ANKRD31: variants seen among roughly 807,000 people sequenced by gnomAD.
The protein encoded by ANKRD31 is ankyrin repeat domain-containing protein 31.
In ANKRD31, 147 loss-of-function variants were observed where a neutral mutation model predicts 186.0. The ratio of observed to expected loss-of-function variants is 0.79; its 90% CI spans 0.69 to 0.91. The LOEUF is 0.91. ANKRD31 is among the 40% of genes least tolerant of loss of function. The pLI, the probability that ANKRD31 is intolerant of heterozygous loss-of-function variation, is 0.00. For missense variants in ANKRD31, 1,986 were observed against 2,148.8 expected, an observed-to-expected ratio of 0.92 and a Z score of 1.50; for synonymous variants, 673 against 736.4, an observed-to-expected ratio of 0.91 and a Z score of 1.39.
At chr5:75,158,440 G>C (rs1341727926) in intron 11 of ANKRD31, among the ~76,000 whole-genome samples, 3 of 152,144 alleles carry the variant, frequency 2.0e-5, no homozygotes, top group Non-Finnish European at 2.9e-5. Flanking sequence ...GGGCATGTGG[G>C]TTGGGGGACT....
At chr5:75,102,961 C>A (rs1473268013) in intron 22 of ANKRD31, among the ~76,000 whole-genome samples, 1 of 152,136 alleles carries the variant, frequency 6.6e-6, no homozygotes, top group Non-Finnish European at 1.5e-5. Context: ...GTGAGATGAA[C>A]CCTGTACCTC....
At chr5:75,117,954 T>C (rs1341754682) in intron 18 of ANKRD31, among the ~76,000 whole-genome samples, 181 bp downstream of exon 18, 2 of 152,094 alleles carry the variant, frequency 1.3e-5, no homozygotes, top group African/African-American at 2.4e-5. Context: ...GATCATATGA[T>C]CTATAAATTA....
At chr5:75,164,762 C>T (rs1242825291) in intron 11 of ANKRD31, among the ~76,000 whole-genome samples, 1 of 152,184 alleles carries the variant, frequency 6.6e-6, no homozygotes, top group Admixed American at 6.5e-5. Context: ...TAGCAACCTC[C>T]TTATAAAACT....
At chr5:75,069,396 G>C (rs192270425) in intron 25 of ANKRD31, among the ~76,000 whole-genome samples, 19 of 151,984 alleles carry the variant, frequency 1.3e-4, no homozygotes, top group African/African-American at 4.3e-4. Flanking sequence ...CTTTCTTCAT[G>C]CTTGGCCCAC....
At chr5:75,143,253 T>G (rs1751180742) in intron 15 of ANKRD31, among the ~76,000 whole-genome samples, 1 of 152,138 alleles carries the variant, frequency 6.6e-6, no homozygotes, top group Non-Finnish European at 1.5e-5. Context: ...TCTCCTTATC[T>G]TAGGGTTCTT....
Position 75,104,211 on chromosome 5 carries a change from A to G in ANKRD31, c.5331+17T>C. Reference sequence around the variant, plus strand: ...TTATAAAATTTGCATGATTTTAGAGAAAAAAATATAGAATACCTGTGTTTT... The same window carrying G: ...TTATAAAATTTGCATGATTTTAGAGGAAAAAATATAGAATACCTGTGTTTT... On this transcript the variant is annotated intron_variant, in intron 22 of 25. Transcript: ENST00000506364. 1 of 1,458,562 alleles carries G rather than the reference A, an allele frequency of 6.9e-7. No individual in the cohort carries two copies. Among genetic ancestry groups the G allele is most frequent in the East Asian group, 2.5e-5 (1 of 40,324 alleles). 90.4% of individuals were successfully genotyped at this position (1,458,562 alleles called of 1,614,324 possible).
chr5:75,199,760 C>G, intron 5 of ANKRD31, 86 bp from the exon 6 acceptor site: 2 of 924,484 alleles, frequency 2.2e-6, no homozygotes, highest in South Asian at 3.6e-5. Context: ...AATCATATAA[C>G]TTAAACTCCC....
chr5:75,191,827 C>T (rs1755136950), intron 9 of ANKRD31, among the ~76,000 whole-genome samples: 2 of 151,970 alleles, frequency 1.3e-5, no homozygotes, highest in Admixed American at 1.3e-4. Flanking sequence ...GTCTTTTACA[C>T]TTTCTAACAA....
Position 75,188,658 on chromosome 5 carries a change from G to A in ANKRD31, c.1409-10C>T. 2 of 1,517,770 alleles carry A rather than the reference G, an allele frequency of 1.3e-6. No homozygotes were observed. The highest frequency in any genetic ancestry group is 2.5e-5 in the East Asian group (1 of 40,652). 94.0% of individuals were successfully genotyped at this position (1,517,770 alleles called of 1,614,324 possible). A position where few individuals can be genotyped will look rare whatever the true frequency, so the allele number is the denominator to read the frequency against. On this transcript the variant is annotated splice_polypyrimidine_tract_variant and intron_variant, in intron 9 of 25. Transcript: ENST00000506364. The stretch of plus-strand genomic sequence containing the variant: ...TTCACCTTCATTTTTTCTGAAATGA[G>A]GGAATGAACAAAAGAAAAAAATCAT...
intron 20 of ANKRD31, among the ~76,000 whole-genome samples, chr5:75,110,150 C>A (rs1386768484): frequency 6.6e-6 from 1 of 151,972 alleles, no homozygotes; most frequent in Non-Finnish European, 1.5e-5. Context: ...CTACAAAAAC[C>A]TGGGGGTGGT....
intron 15 of ANKRD31, among the ~76,000 whole-genome samples, chr5:75,140,368 G>T (rs899716876): frequency 6.6e-6 from 1 of 150,832 alleles, no homozygotes; most frequent in African/African-American, 2.4e-5. Flanking sequence ...AGAAGCTTCA[G>T]ACTGAGATGC....
chr5:75,176,090 C>G, intron 10 of ANKRD31, among the ~76,000 whole-genome samples: 1 of 152,306 alleles, frequency 6.6e-6, no homozygotes, highest in South Asian at 2.1e-4. Context: ...GATTATATCC[C>G]GCACATGGCT....
At chr5:75,089,735 G>A (rs1450338376) in intron 23 of ANKRD31, among the ~76,000 whole-genome samples, 1 of 152,166 alleles carries the variant, frequency 6.6e-6, no homozygotes, top group Non-Finnish European at 1.5e-5. Context: ...TAGATAATCT[G>A]TAGGAATATT....
intron 3 of ANKRD31, among the ~76,000 whole-genome samples, chr5:75,214,604 A>G (rs1330236122): frequency 6.6e-6 from 1 of 152,200 alleles, no homozygotes; most frequent in African/African-American, 2.4e-5. Flanking sequence ...TTCTTCCATT[A>G]CACACACATC....
At chr5:75,193,164 A>C (rs1317726334) in intron 8 of ANKRD31, 147 bp downstream of exon 8, 2 of 1,041,278 alleles carry the variant, frequency 1.9e-6, no homozygotes, top group Non-Finnish European at 2.7e-6. Flanking sequence ...GCACTGATCA[A>C]AAACTGCAAA....
At chr5:75,174,662 A>AAT (rs1180595769) in intron 10 of ANKRD31, among the ~76,000 whole-genome samples, 1 of 152,248 alleles carries the variant, frequency 6.6e-6, no homozygotes, top group South Asian at 2.1e-4. Context: ...GAGAAATGCA[A>AAT]ATCAAAACCA....
intron 12 of ANKRD31, among the ~76,000 whole-genome samples, chr5:75,150,620 A>AT (rs1207279364): frequency 6.6e-6 from 1 of 151,930 alleles, no homozygotes; most frequent in African/African-American, 2.4e-5. Context: ...AATGTTTGGG[A>AT]TTCCTTTACA....
chr5:75,169,844 T>G (rs1375338020), intron 10 of ANKRD31, among the ~76,000 whole-genome samples: 1 of 152,152 alleles, frequency 6.6e-6, no homozygotes, highest in Non-Finnish European at 1.5e-5. Context: ...CACAGAATGT[T>G]TACCAGCATC....
chr5:75,124,721 A>G (rs1749080563), intron 17 of ANKRD31, among the ~76,000 whole-genome samples: 1 of 152,166 alleles, frequency 6.6e-6, no homozygotes, highest in African/African-American at 2.4e-5. Flanking sequence ...CAATTCAGGA[A>G]CAAGTCAAAT....
Sources: allele counts gnomAD v4.1 joint callset (sites outside exome capture counted in the v4.1 genomes callset), GRCh38; gene constraint gnomAD v4.1.1; transcripts MANE v1.5; gene names NCBI Gene and HGNC (gene_info 2026-07-23, HGNC 2026-07-21).